RIMBP2: variants seen among roughly 807,000 people sequenced by gnomAD.
RIMBP2 encodes RIMS binding protein 2.
In RIMBP2, 48 loss-of-function variants were observed where a neutral mutation model predicts 118.6. The ratio of observed to expected loss-of-function variants is 0.40; its 90% CI spans 0.32 to 0.51. The LOEUF is 0.51. Among genes scored for constraint, RIMBP2 ranks in the 20% least tolerant of loss-of-function variants. The pLI, the probability that RIMBP2 is intolerant of heterozygous loss-of-function variation, is 0.41. For missense variants in RIMBP2, 1,551 were observed against 1,768.3 expected, an observed-to-expected ratio of 0.88 and a Z score of 2.20; for synonymous variants, 762 against 742.9, an observed-to-expected ratio of 1.03 and a Z score of -0.42.
At chr12:130,512,300 A>C (rs1246821000) in intron 3 of RIMBP2, among the ~76,000 whole-genome samples, 1 of 150,432 alleles carries the variant, frequency 6.6e-6, no homozygotes, top group Non-Finnish European at 1.5e-5. Flanking sequence ...CCGCTGCATC[A>C]AGGTCTCTGC....
chr12:130,479,345 T>C (rs1168694314), intron 4 of RIMBP2, among the ~76,000 whole-genome samples: 1 of 152,262 alleles, frequency 6.6e-6, no homozygotes, highest in Non-Finnish European at 1.5e-5. Flanking sequence ...CTCCCTCCTG[T>C]GCCTTTTTTG....
intron 3 of RIMBP2, among the ~76,000 whole-genome samples, chr12:130,516,455 A>G (rs1409362313): frequency 6.6e-6 from 1 of 152,240 alleles, no homozygotes; most frequent in East Asian, 1.9e-4. Context: ...AGACAAACAC[A>G]TAAGTGAAGA....
At chr12:130,626,926 G>A (rs922028644) in intron 2 of RIMBP2, among the ~76,000 whole-genome samples, 21 of 147,646 alleles carry the variant, frequency 1.4e-4, no homozygotes, top group African/African-American at 3.3e-4. Flanking sequence ...CACGACTACC[G>A]CCAGCATCAC....
rs192317278 is a variant in RIMBP2, at chr12:130,712,216, T to A, written c.-352+4006A>T. Among the ~76,000 whole-genome samples, 798 of 152,304 alleles carry A rather than the reference T, an allele frequency of 5.2e-3. 7 individuals are homozygous for A. Among genetic ancestry groups the A allele is most frequent in the African/African-American group, 0.018 (754 of 41,550 alleles). On this transcript the variant is annotated intron_variant, in intron 1 of 22. Transcript: ENST00000690449. ...AGACTACGCTAAATTTATACAAAAA[T>A]ATTCTTCTTTCTTCCATAACTGCCC...
chr12:130,508,988 TA>T (rs1369900672), intron 3 of RIMBP2, among the ~76,000 whole-genome samples: 1 of 152,092 alleles, frequency 6.6e-6, no homozygotes, highest in East Asian at 1.9e-4. Flanking sequence ...ATCCGGCTTC[TA>T]ATCAGGCTTG....
chr12:130,587,971 C>T (rs1247450149), intron 2 of RIMBP2, among the ~76,000 whole-genome samples: 1 of 152,112 alleles, frequency 6.6e-6, no homozygotes, highest in East Asian at 1.9e-4. Context: ...TCCTCTGTCC[C>T]TCCACACAGT....
chr12:130,646,111 C>T lies in RIMBP2; in HGVS notation c.-351-17655G>A, dbSNP rs61936791. On this transcript the variant is annotated intron_variant, in intron 1 of 22. Transcript: ENST00000690449. ...CTTCCCTCTCCACCTCCCTCTCCAC[C>T]TCCCTCACCACCTGCCTCTCCACCT... Among the ~76,000 whole-genome samples, 1,096 of 123,746 alleles carry T rather than the reference C, an allele frequency of 8.9e-3. 22 individuals carry two copies. Among genetic ancestry groups the T allele is most frequent in the African/African-American group, 0.018 (579 of 32,580 alleles). The allele number at this position is 123,746 out of a possible 152,430, so 81.2% of individuals were successfully genotyped here.
In RIMBP2 at chr12:130,422,549, G is replaced by T. The variant is rs562256531; in HGVS notation, c.3142C>A (p.Pro1048Thr). 9 of 1,607,574 alleles carry T rather than the reference G, an allele frequency of 5.6e-6. No individual in the cohort carries two copies. In the African/African-American group the frequency reaches 1.2e-4, roughly 21 times the overall value. ...TGATCCACCCGTCCTGCAGAGGCTGGGTTCCCTAAAATCTAAAGACAAAAC... is the reference window on the plus strand; with the variant it reads ...TGATCCACCCGTCCTGCAGAGGCTGTGTTCCCTAAAATCTAAAGACAAAAC... Reference protein sequence around the residue: ...VAQGPLILGNPASAGRVDHMG... With the variant: ...VAQGPLILGNTASAGRVDHMG... The change falls in exon 17 of 23, where the codon CCA becomes ACA. Residue 1048 changes from proline (P) to threonine (T), a missense_variant. Pro to Thr is a conservative substitution (Grantham distance 38, BLOSUM62 -1). Coordinates refer to ENST00000690449, the MANE Select transcript of RIMBP2 (RefSeq NM_001393629.1). The surrounding 1 kb of genome is among the most constrained non-coding windows in gnomAD (Gnocchi z 5.2).
intron 1 of RIMBP2, among the ~76,000 whole-genome samples, chr12:130,646,764 G>A (rs938434969): frequency 3.9e-5 from 6 of 152,262 alleles, no homozygotes; most frequent in African/African-American, 1.4e-4. Flanking sequence ...GCCTCCAGGG[G>A]CGAATGATTT....
chr12:130,441,663 T>C (rs2078150482), intron 11 of RIMBP2, among the ~76,000 whole-genome samples, 185 bp downstream of exon 11: 1 of 152,184 alleles, frequency 6.6e-6, no homozygotes, highest in Non-Finnish European at 1.5e-5. Context: ...CCCTAACATG[T>C]TCCAAGGACT....
intron 1 of RIMBP2, among the ~76,000 whole-genome samples, chr12:130,664,471 G>T (rs75225902): frequency 7.7e-6 from 1 of 130,474 alleles, no homozygotes; most frequent in African/African-American, 3.0e-5. Context: ...GCACACACAC[G>T]CACGCACACG....
At chr12:130,468,126 G>C (rs1468564881) in intron 6 of RIMBP2, among the ~76,000 whole-genome samples, 1 of 152,200 alleles carries the variant, frequency 6.6e-6, no homozygotes, top group Non-Finnish European at 1.5e-5. Context: ...TTCTTTGATG[G>C]GTGAGTGGGT....
rs1383767239 is a variant in RIMBP2 at position 130,511,123 on chromosome 12, A to T, written c.-126-4353T>A. Among the ~76,000 whole-genome samples the T allele has an allele frequency of 4.6e-5, 7 of 152,164 alleles. No homozygotes were observed. The highest frequency in any genetic ancestry group is 1.5e-5 in the Non-Finnish European group (1 of 68,040). On this transcript the variant is annotated intron_variant, in intron 3 of 22. Transcript: ENST00000690449. This position sits in a 1 kb window ranked among gnomAD's most constrained non-coding sequence, Gnocchi z 4.3. Reference sequence around the variant, plus strand: ...GGGGTTATCCAGATGGGCTCTACGTAGTCACAGAGCCCTTATCAGGAAAAG... The same window carrying T: ...GGGGTTATCCAGATGGGCTCTACGTTGTCACAGAGCCCTTATCAGGAAAAG...
intron 1 of RIMBP2, among the ~76,000 whole-genome samples, chr12:130,712,326 T>C (rs1207924471): frequency 1.3e-5 from 2 of 152,256 alleles, no homozygotes; most frequent in African/African-American, 2.4e-5. Context: ...AAACACACAT[T>C]GTACAGCTGT....
intron 20 of RIMBP2, among the ~76,000 whole-genome samples, chr12:130,407,236 G>T (rs1276958843): frequency 2.6e-5 from 4 of 152,178 alleles, no homozygotes; most frequent in African/African-American, 9.7e-5. Context: ...GCAGAGACTG[G>T]AGACCCCACC....
intron 3 of RIMBP2, among the ~76,000 whole-genome samples, chr12:130,514,758 G>C (rs2051268168): frequency 6.6e-6 from 1 of 152,172 alleles, no homozygotes; most frequent in African/African-American, 2.4e-5. Context: ...TAAGCCTTAT[G>C]ATGCATTCAG....
At chr12:130,686,679 A>C (rs1429072780) in intron 1 of RIMBP2, among the ~76,000 whole-genome samples, 5 of 152,134 alleles carry the variant, frequency 3.3e-5, no homozygotes, top group Non-Finnish European at 4.4e-5. Context: ...GGCGTTTAGC[A>C]CTCGGGCCTC....
chr12:130,438,307 C>T (rs1017879808), intron 12 of RIMBP2, 58 bp downstream of exon 12: 25 of 1,586,930 alleles, frequency 1.6e-5, no homozygotes, highest in African/African-American at 1.2e-4. Flanking sequence ...AATACCGGGC[C>T]GGTCCCTGCT....
rs888556857 is a variant in RIMBP2 at position 130,424,423 on chromosome 12, A to G, written c.2848T>C (p.Cys950Arg). ...ACSPGPGHCP[C>R]RRGPRPLLAR... ...AGCAGCGGCCTCGGGCCCCTCCTGC[A>G]GGGACAGTGACCAGGGCCTGGGCTG... The change falls in exon 16 of 23, where the codon TGC becomes CGC. Residue 950 changes from cysteine to arginine, a missense_variant. Cys to Arg is a radical substitution (Grantham distance 180). This residue lies in a region of RIMBP2 where 1,038 missense variants were observed against 1,125.1 expected (regional missense o/e 0.92). Coordinates refer to ENST00000690449, the MANE Select transcript of RIMBP2 (RefSeq NM_001393629.1). This position sits in a 1 kb window ranked among gnomAD's most constrained non-coding sequence, Gnocchi z 9.8. 3 of 1,232,576 alleles carry G rather than the reference A, an allele frequency of 2.4e-6. No homozygotes were observed. In the African/African-American group the frequency reaches 4.7e-5, roughly 19 times the overall value. The allele number at this position is 1,232,576 out of a possible 1,614,324, so 76.4% of individuals were successfully genotyped here.
Sources: allele counts gnomAD v4.1 joint callset (sites outside exome capture counted in the v4.1 genomes callset), GRCh38; gene constraint gnomAD v4.1.1; regional missense constraint gnomAD v4.1.1; non-coding constraint Gnocchi (gnomAD v3.1); transcripts MANE v1.5; gene names NCBI Gene and HGNC (gene_info 2026-07-23, HGNC 2026-07-21).